NRAP: variants seen among roughly 807,000 people sequenced by gnomAD.
NRAP encodes the protein nebulin related anchoring protein.
A neutral mutation model predicts 225.9 loss-of-function variants in NRAP; 189 were observed. The ratio of observed to expected loss-of-function variants is 0.84; its 90% CI spans 0.74 to 0.94. NRAP has a LOEUF of 0.94. Among genes scored for constraint, NRAP ranks in the 40% least tolerant of loss-of-function variants. The pLI, the probability that NRAP is intolerant of heterozygous loss-of-function variation, is 0.00. For missense variants in NRAP, 2,176 were observed against 2,168.7 expected, an observed-to-expected ratio of 1.00 and a Z score of -0.07; for synonymous variants, 769 against 790.7, an observed-to-expected ratio of 0.97 and a Z score of 0.46.
Position 113,589,065 on chromosome 10 carries a change from T to C in NRAP, c.5103A>G (p.Ala1701=), listed in dbSNP as rs767386985. The change falls in exon 42 of 42, where the codon GCA becomes GCG. Residue 1701 remains alanine (A), a synonymous_variant. Transcript: ENST00000359988. ...GLQGAYRGAE[A]VEAGDHQSGE... ...CACTCTGATGATCTCCAGCCTCCAC[T>C]GCTTCTGCCCCCCGCTGCTGAAATC... 3.1e-6 allele frequency: 5 copies of C among 1,613,794 alleles called. No individual in the cohort carries two copies. The highest frequency in any genetic ancestry group is 1.7e-5 in the Admixed American group (1 of 59,990).
rs868320603 is a variant in NRAP at position 113,655,457 on chromosome 10, T to C, written c.361-1332A>G. Reference sequence around the variant, plus strand: ...TAGTATGGTATTGTACATCCATTTTTTTTTTTTTTTTCCCTTGAGACAGAG... The same window carrying C: ...TAGTATGGTATTGTACATCCATTTTCTTTTTTTTTTTCCCTTGAGACAGAG... On this transcript the variant is annotated intron_variant, in intron 4 of 41. Coordinates refer to ENST00000359988, the MANE Select transcript of NRAP (RefSeq NM_198060.4). Among the ~76,000 whole-genome samples, 458 of 151,576 alleles carry C rather than the reference T, an allele frequency of 3.0e-3. 2 individuals carry two copies. Among genetic ancestry groups the C allele is most frequent in the African/African-American group, 0.01 (431 of 41,260 alleles).
chr10:113,648,406 T>C (rs974278427), intron 9 of NRAP, among the ~76,000 whole-genome samples: 2 of 151,500 alleles, frequency 1.3e-5, no homozygotes, highest in Admixed American at 1.3e-4. Flanking sequence ...CATTCTGCTC[T>C]ATAGTTTTGT....
chr10:113,632,770 C>T (rs940904099), intron 16 of NRAP, among the ~76,000 whole-genome samples: 10 of 152,200 alleles, frequency 6.6e-5, no homozygotes, highest in African/African-American at 2.4e-4. Flanking sequence ...CTTCTTAAAA[C>T]TTAAATTTCC....
intron 11 of NRAP, among the ~76,000 whole-genome samples, chr10:113,643,839 A>G (rs1036966107): frequency 2.0e-5 from 3 of 152,242 alleles, no homozygotes; most frequent in Admixed American, 1.3e-4. Context: ...TTATAAAACT[A>G]TATGGTGGGG....
intron 35 of NRAP, among the ~76,000 whole-genome samples, chr10:113,599,506 G>A (rs765489209): frequency 1.3e-5 from 2 of 152,206 alleles, no homozygotes; most frequent in South Asian, 2.1e-4. Context: ...TTTCATAAGC[G>A]AGATGAAGTG....
chr10:113,622,457 A>T, intron 23 of NRAP, among the ~76,000 whole-genome samples: 1 of 152,228 alleles, frequency 6.6e-6, no homozygotes, highest in East Asian at 1.9e-4. Context: ...AGAATAGCCA[A>T]AGTACAATTG....
intron 2 of NRAP, 111 bp downstream of exon 2, chr10:113,663,241 A>G (rs921150989): frequency 1.5e-6 from 1 of 685,822 alleles, no homozygotes; most frequent in Admixed American, 2.2e-5. Flanking sequence ...ACTTTGGGAG[A>G]AGATATTTCT....
rs566581655 is a variant in NRAP at position 113,607,130 on chromosome 10, G to C, written c.3703-848C>G. The stretch of plus-strand genomic sequence containing the variant: ...GCAGGAGAATTGCTTGAACCCAGGA[G>C]GCAGAGGTTGCAGTGAGCAAAGATC... On this transcript the variant is annotated intron_variant, in intron 32 of 41. Transcript: ENST00000359988. Among the ~76,000 whole-genome samples the C allele has an allele frequency of 5.1e-4, 78 of 152,162 alleles. 1 individual carries two copies. The South Asian group carries it at 0.016, about 32-fold the overall frequency.
rs1849464346 is a variant in NRAP, at chr10:113,645,739, C to A, written c.1110+86G>T. On this transcript the variant is annotated intron_variant, in intron 11 of 41. Transcript: ENST00000359988. Reference sequence around the variant, plus strand: ...GCCGGTGTCACACTTTTAACCAGAGCTTTTTATTATAGGGTCACCTCATTC... The same window carrying A: ...GCCGGTGTCACACTTTTAACCAGAGATTTTTATTATAGGGTCACCTCATTC... 6.9e-6 allele frequency: 5 copies of A among 720,940 alleles called. 1 individual carries two copies. Among genetic ancestry groups the A allele is most frequent in the South Asian group, 6.3e-5 (3 of 47,726 alleles). 44.7% of individuals were successfully genotyped at this position (720,940 alleles called of 1,614,324 possible). A position where few individuals can be genotyped will look rare whatever the true frequency, so the allele number is the denominator to read the frequency against.
intron 14 of NRAP, among the ~76,000 whole-genome samples, chr10:113,639,091 C>CAAAAA (rs60509891): frequency 8.6e-6 from 1 of 115,818 alleles, no homozygotes; most frequent in Non-Finnish European, 1.8e-5. Flanking sequence ...ATGTATATAG[C>CAAAAA]AAAAAAAAAA....
chr10:113,608,277 C>T, intron 32 of NRAP, 137 bp downstream of exon 32: 1 of 600,606 alleles, frequency 1.7e-6, no homozygotes, highest in South Asian at 2.2e-5. Context: ...GTTTAGGTTC[C>T]ATATAATGAC....
At chr10:113,637,215 A>C (rs1273685789) in intron 14 of NRAP, among the ~76,000 whole-genome samples, 2 of 152,142 alleles carry the variant, frequency 1.3e-5, no homozygotes, top group African/African-American at 2.4e-5. Flanking sequence ...TTCCAAGTAC[A>C]TCATGCATGT....
intron 3 of NRAP, 145 bp from the exon 4 acceptor site, chr10:113,657,719 C>T: frequency 1.6e-6 from 1 of 644,512 alleles, no homozygotes; most frequent in South Asian, 1.7e-5. Flanking sequence ...ACTGTGCTGT[C>T]AGTCTCCCTG....
In NRAP at chr10:113,636,900, G is replaced by A. The variant is rs545222328; in HGVS notation, c.1429-2690C>T. Among the ~76,000 whole-genome samples the A allele has an allele frequency of 5.9e-5, 9 of 151,840 alleles. No individual in the cohort carries two copies. In the South Asian group the frequency reaches 1.0e-3, roughly 18 times the overall value. On this transcript the variant is annotated intron_variant, in intron 14 of 41. Coordinates refer to ENST00000359988, the MANE Select transcript of NRAP (RefSeq NM_198060.4). ...CTCGCGCCTGTAACCCGAGATACTC[G>A]GGAGGCTGAGGCAGGAGAATCGCTT...
chr10:113,595,798 C>G lies in NRAP; in HGVS notation c.4432-71G>C, dbSNP rs1437325986. Reference sequence around the variant, plus strand: ...GAAACCACAGGGGAATAGCAACTGACTCCCTTTCCTGCCCCTCCCACCTGA... The same window carrying G: ...GAAACCACAGGGGAATAGCAACTGAGTCCCTTTCCTGCCCCTCCCACCTGA... On this transcript the variant is annotated intron_variant, in intron 37 of 41. Transcript: ENST00000359988. 6 of 1,022,874 alleles carry G rather than the reference C, an allele frequency of 5.9e-6. No homozygotes were observed. In the Admixed American group the frequency reaches 1.1e-4, roughly 18 times the overall value. The allele number at this position is 1,022,874 out of a possible 1,614,324, so 63.4% of individuals were successfully genotyped here.
chr10:113,597,041 AGTGCT>A, intron 37 of NRAP, 40 bp downstream of exon 37: 1 of 1,260,110 alleles, frequency 7.9e-7, no homozygotes, highest in East Asian at 2.3e-5. Context: ...ACTGAGCAGC[AGTGCT>A]ACACTGCATG....
intron 37 of NRAP, 46 bp from the exon 38 acceptor site, chr10:113,595,773 G>T: frequency 7.7e-7 from 1 of 1,292,168 alleles, no homozygotes; most frequent in Non-Finnish European, 1.1e-6. Context: ...TGTGTGGGCT[G>T]AAACCACAGG....
At chr10:113,612,785 C>T (rs191587425) in intron 29 of NRAP, among the ~76,000 whole-genome samples, 1 of 152,332 alleles carries the variant, frequency 6.6e-6, no homozygotes, top group Non-Finnish European at 1.5e-5. Context: ...TCGCTCCCTG[C>T]CCACCATATT....
At chr10:113,602,512 A>T (rs147801010) in intron 35 of NRAP, among the ~76,000 whole-genome samples, 17 of 152,224 alleles carry the variant, frequency 1.1e-4, no homozygotes, top group South Asian at 4.1e-4. Flanking sequence ...TAAATCCCCT[A>T]TGTGGGACCC....
Sources: gnomAD v4.1 joint callset for allele counts (sites outside exome capture counted in the v4.1 genomes callset) on GRCh38, gnomAD v4.1.1 for gene constraint, MANE v1.5 for transcripts, NCBI Gene and HGNC (gene_info 2026-07-23, HGNC 2026-07-21) for gene names.